Variants in PIAS1 observed in about 807,000 individuals in gnomAD.
The protein encoded by PIAS1 is E3 SUMO-protein ligase PIAS1.
In PIAS1, 6 loss-of-function variants were observed where a neutral mutation model predicts 71.3. The observed-to-expected ratio is 0.08, with a 90% CI of 0.05 to 0.17. The LOEUF (loss-of-function observed/expected upper bound fraction) is 0.17, where lower values mean the gene tolerates loss of function less well. PIAS1 is among the 10% of genes least tolerant of loss of function. The pLI is 1.00. For missense variants in PIAS1, 555 were observed against 793.6 expected, an observed-to-expected ratio of 0.70 and a Z score of 3.61; for synonymous variants, 303 against 292.9, an observed-to-expected ratio of 1.03 and a Z score of -0.35.
chr15:68,180,639 A>T (rs951257379), intron 11 of PIAS1, among the ~76,000 whole-genome samples: 4 of 151,958 alleles, frequency 2.6e-5, no homozygotes, highest in African/African-American at 9.7e-5. Context: ...CAGGGCTTTT[A>T]TGCAAACAAT....
At chr15:68,062,721 G>A (rs752894009) in intron 1 of PIAS1, among the ~76,000 whole-genome samples, 22 of 152,160 alleles carry the variant, frequency 1.4e-4, no homozygotes, top group African/African-American at 4.8e-4. Flanking sequence ...TATTGTGTGT[G>A]TGTATGTCTA....
At chr15:68,121,846 G>T (rs1363275180) in intron 2 of PIAS1, among the ~76,000 whole-genome samples, 3 of 152,158 alleles carry the variant, frequency 2.0e-5, no homozygotes, top group Non-Finnish European at 4.4e-5. Flanking sequence ...AACTTCAAGA[G>T]GCTGGGCATG....
chr15:68,175,988 G>A (rs1277313473), intron 10 of PIAS1, among the ~76,000 whole-genome samples: 9 of 152,084 alleles, frequency 5.9e-5, no homozygotes, highest in Non-Finnish European at 1.3e-4. Flanking sequence ...TCAAAGTAAT[G>A]TAATATAATT....
chr15:68,126,797 A>G (rs1375210772), intron 2 of PIAS1, among the ~76,000 whole-genome samples: 2 of 149,878 alleles, frequency 1.3e-5, no homozygotes, highest in African/African-American at 2.4e-5. Context: ...AAATTTATCT[A>G]ATTGTTGCAT....
intron 2 of PIAS1, among the ~76,000 whole-genome samples, chr15:68,090,210 T>A (rs115679417): frequency 0.021 from 3,232 of 151,756 alleles, 101 homozygotes; most frequent in African/African-American, 0.075. Context: ...TAATAATTAT[T>A]ATTATTTTTT....
intron 2 of PIAS1, among the ~76,000 whole-genome samples, chr15:68,122,747 C>G (rs2092622223): frequency 6.6e-6 from 1 of 152,060 alleles, no homozygotes; most frequent in Admixed American, 6.5e-5. Context: ...ATCTTTGAAA[C>G]AGAAGTGATA....
chr15:68,181,770 G>T, intron 12 of PIAS1: 1 of 158,954 alleles, frequency 6.3e-6, no homozygotes, highest in Non-Finnish European at 1.4e-5. Flanking sequence ...CCGCCTCCCA[G>T]GTTCAAACAA....
In PIAS1 at chr15:68,173,369, T is replaced by TA. The variant is rs71986365; in HGVS notation, c.1009-351dup. 7.6e-3 allele frequency among the ~76,000 whole-genome samples: 1,089 copies of TA among 144,188 alleles called. 4 individuals are homozygous for TA. Among genetic ancestry groups the TA allele is most frequent in the Middle Eastern group, 0.039 (11 of 282 alleles). The allele number at this position is 144,188 out of a possible 152,430, so 94.6% of individuals were successfully genotyped here. On this transcript the variant is annotated intron_variant, in intron 8 of 13. Coordinates refer to ENST00000249636, the MANE Select transcript of PIAS1 (RefSeq NM_016166.3). This position sits in a 1 kb window ranked among gnomAD's most constrained non-coding sequence, Gnocchi z 4.3. ...GCAATATAGCAAGACCCCATCTGTT[T>TA]AAAAAAAAAAAACTGGTGAAAGCAC...
At chr15:68,076,878 G>A (rs1369163032) in intron 1 of PIAS1, among the ~76,000 whole-genome samples, 7 of 152,128 alleles carry the variant, frequency 4.6e-5, no homozygotes, top group African/African-American at 1.2e-4. Flanking sequence ...CAAAATCTAT[G>A]GGAGGACATA....
intron 8 of PIAS1, among the ~76,000 whole-genome samples, chr15:68,168,324 G>A (rs1467147320): frequency 6.6e-6 from 1 of 152,074 alleles, no homozygotes; most frequent in Non-Finnish European, 1.5e-5. Context: ...TATTTTTAAT[G>A]TCACACTTTT....
intron 2 of PIAS1, among the ~76,000 whole-genome samples, chr15:68,093,352 TA>T (rs1348073262): frequency 3.3e-5 from 5 of 152,264 alleles, no homozygotes; most frequent in African/African-American, 1.2e-4. Context: ...TGGTTCTTGG[TA>T]AGCATACCAC....
At chr15:68,067,874 A>C (rs73423737) in intron 1 of PIAS1, among the ~76,000 whole-genome samples, 4,968 of 152,234 alleles carry the variant, frequency 0.033, 234 homozygotes, top group African/African-American at 0.11. Context: ...CATTTCTTCT[A>C]GGTAACTTGT....
intron 2 of PIAS1, among the ~76,000 whole-genome samples, chr15:68,108,523 T>G (rs1230343087): frequency 6.6e-6 from 1 of 152,166 alleles, no homozygotes; most frequent in Non-Finnish European, 1.5e-5. Flanking sequence ...TCTCAAGGCC[T>G]TAAATAGTAA....
At chr15:68,162,725 C>T (rs2092932622) in intron 7 of PIAS1, among the ~76,000 whole-genome samples, 1 of 152,122 alleles carries the variant, frequency 6.6e-6, no homozygotes, top group Admixed American at 6.5e-5. Flanking sequence ...ATCCCAGAGT[C>T]CCAAGCCCAG....
chr15:68,063,387 ATCATCAT>A (rs1475080064), intron 1 of PIAS1, among the ~76,000 whole-genome samples: 4 of 152,178 alleles, frequency 2.6e-5, no homozygotes, highest in Non-Finnish European at 5.9e-5. Flanking sequence ...ATATGTTAAA[ATCATCAT>A]TCTGGTCTAT....
intron 2 of PIAS1, among the ~76,000 whole-genome samples, chr15:68,111,888 C>T (rs528319338): frequency 6.6e-6 from 1 of 152,088 alleles, no homozygotes; most frequent in Admixed American, 6.5e-5. Context: ...GTGCTTAATC[C>T]TACCTGGCCA....
At chr15:68,099,241 A>G (rs568036109) in intron 2 of PIAS1, among the ~76,000 whole-genome samples, 1 of 150,576 alleles carries the variant, frequency 6.6e-6, no homozygotes, top group African/African-American at 2.4e-5. Context: ...CTGGGTGACT[A>G]TATATGTATA....
chr15:68,149,372 G>A (rs2141056911), intron 6 of PIAS1, among the ~76,000 whole-genome samples: 1 of 145,728 alleles, frequency 6.9e-6, no homozygotes, highest in Admixed American at 6.9e-5. Context: ...AGATAAAGTA[G>A]AATTACTTTA....
chr15:68,071,551 A>G (rs1054181617), intron 1 of PIAS1, among the ~76,000 whole-genome samples: 3 of 151,808 alleles, frequency 2.0e-5, no homozygotes, highest in Non-Finnish European at 2.9e-5. Flanking sequence ...AATAAACGAT[A>G]ATAGAAAGCA....
Sources: allele counts gnomAD v4.1 joint callset (sites outside exome capture counted in the v4.1 genomes callset), GRCh38; gene constraint gnomAD v4.1.1; non-coding constraint Gnocchi (gnomAD v3.1); transcripts MANE v1.5; gene names NCBI Gene and HGNC (gene_info 2026-07-23, HGNC 2026-07-21).